CDKN2A: variants seen among roughly 807,000 people sequenced by gnomAD.
CDKN2A encodes cyclin dependent kinase inhibitor 2A.
CDKN2A carries 3 observed loss-of-function variants against 11.1 expected under a neutral mutation model. The ratio of observed to expected loss-of-function variants is 0.27; its 90% CI spans 0.12 to 0.70. The LOEUF (loss-of-function observed/expected upper bound fraction) is 0.70, where lower values mean the gene tolerates loss of function less well. CDKN2A is among the 30% of genes least tolerant of loss of function. The pLI is 0.77. For synonymous variants in CDKN2A, 122 were observed against 108.1 expected, an observed-to-expected ratio of 1.13 and a Z score of -0.80; for missense variants, 265 against 233.6, an observed-to-expected ratio of 1.13 and a Z score of -0.88.
At chr9:21,969,636 AG>A (rs1819598789) in intron 2 of CDKN2A, 1 of 396,004 alleles carries the variant, frequency 2.5e-6, no homozygotes, top group African/African-American at 2.1e-5. Context: ...CCAATTCAGT[AG>A]TTTTACTCCC....
Position 21,994,160 on chromosome 9 carries a change from G to A in CDKN2A, c.-175-107C>T, listed in dbSNP as rs2131148082. On this transcript the variant is annotated intron_variant, in intron 1 of 3. Transcript: ENST00000494262. ...CTACCTGGTCTTCTAGGAAGCGGCT[G>A]CTGCCCTAGACGCTGGCTCCTCAGT... 6.2e-7 allele frequency: 1 copy of A among 1,602,628 alleles called. No homozygotes were observed. Among genetic ancestry groups the A allele is most frequent in the Middle Eastern group, 1.7e-4 (1 of 6,046 alleles).
chr9:21,976,535 G>T (rs1398678058), upstream of CDKN2A, among the ~76,000 whole-genome samples: 1 of 151,964 alleles, frequency 6.6e-6, no homozygotes, highest in African/African-American at 2.4e-5. Flanking sequence ...GACCAACATG[G>T]CGAAACCCTG....
chr9:21,974,802 A>T lies in CDKN2A; in HGVS notation c.26T>A (p.Met9Lys), dbSNP rs145445140. The change falls in exon 1 of 3, where the codon ATG becomes AAG. Residue 9 changes from methionine (M) to lysine (K), a missense_variant. Transcript: ENST00000304494. This position sits in a 1 kb window ranked among gnomAD's most constrained non-coding sequence, Gnocchi z 5.2. MEPAAGSS[M>K]EPSADWLATA... ...GGCCAGCCAGTCAGCCGAAGGCTCC[A>T]TGCTGCTCCCCGCCGCCGGCTCCAT... 48 of 1,604,394 alleles carry T rather than the reference A, an allele frequency of 3.0e-5. 1 individual carries two copies. In the South Asian group the frequency reaches 4.5e-4, roughly 15 times the overall value.
Position 21,974,310 on chromosome 9 carries a change from T to C in CDKN2A, c.150+368A>G. 1 of 998,096 alleles carries C rather than the reference T, an allele frequency of 1.0e-6. No homozygotes were observed. The highest frequency in any genetic ancestry group is 1.6e-5 in the South Asian group (1 of 61,440). The allele number at this position is 998,096 out of a possible 1,614,324, so 61.8% of individuals were successfully genotyped here. ...AAGCTCCATCCAGGTATCTGTGAAT[T>C]GGAGGCTAAGTAGTCCCAGCACATC... On this transcript the variant is annotated intron_variant, in intron 1 of 2. Transcript: ENST00000304494. The surrounding 1 kb of genome is among the most constrained non-coding windows in gnomAD (Gnocchi z 5.2).
rs1820436932 is a variant in CDKN2A, at chr9:21,991,785, G to A, written c.-4+2097C>T. 2.0e-6 allele frequency: 2 copies of A among 985,102 alleles called. No individual in the cohort carries two copies. Among genetic ancestry groups the A allele is most frequent in the South Asian group, 4.7e-5 (1 of 21,270 alleles). 61.0% of individuals were successfully genotyped at this position (985,102 alleles called of 1,614,324 possible). On this transcript the variant is annotated intron_variant, in intron 2 of 3. Transcript: ENST00000494262. The surrounding 1 kb of genome is among the most constrained non-coding windows in gnomAD (Gnocchi z 5.2). ...ACTCAAAGAAGTAAAATGAATATAAGTCTTGATTTCTGAAAGGGCTATGGT... is the reference window on the plus strand; with the variant it reads ...ACTCAAAGAAGTAAAATGAATATAAATCTTGATTTCTGAAAGGGCTATGGT...
Position 21,970,557 on chromosome 9 carries a change from T to C in CDKN2A, c.457+345A>G, listed in dbSNP as rs574759051. Reference sequence around the variant, plus strand: ...GGTAAGTGGATGCAACTGGCCCTAGTTTGGAGGAAGAGGGGGCACTAGACC... The same window carrying C: ...GGTAAGTGGATGCAACTGGCCCTAGCTTGGAGGAAGAGGGGGCACTAGACC... On this transcript the variant is annotated intron_variant, in intron 2 of 2. Coordinates refer to ENST00000304494, the MANE Select transcript of CDKN2A (RefSeq NM_000077.5). 1.1e-5 allele frequency: 6 copies of C among 534,202 alleles called. 1 individual carries two copies. The South Asian group carries it at 1.4e-4, about 13-fold the overall frequency. 33.1% of individuals were successfully genotyped at this position (534,202 alleles called of 1,614,324 possible).
chr9:21,984,504 A>G (rs72547287), intron 2 of CDKN2A, among the ~76,000 whole-genome samples: 1 of 152,170 alleles, frequency 6.6e-6, no homozygotes, highest in East Asian at 1.9e-4. Context: ...TTGATAGGAC[A>G]GATTTTCCCC....
At position 21,988,328 on chromosome 9, in the gene CDKN2A, A is replaced by T. The variant is rs1820349255; in HGVS notation, c.-4+5554T>A. 6.6e-6 allele frequency among the ~76,000 whole-genome samples: 1 copy of T among 152,248 alleles called. No individual in the cohort carries two copies. Among genetic ancestry groups the T allele is most frequent in the Non-Finnish European group, 1.5e-5 (1 of 68,040 alleles). ...TGAACAAAGCCAATAAGTCATAAAA[A>T]TTAAAAATCAACATACTATTTTTTG... is the stretch of plus-strand genomic sequence containing the variant. On this transcript the variant is annotated intron_variant, in intron 2 of 3. Transcript: ENST00000494262. The surrounding 1 kb of genome is among the most constrained non-coding windows in gnomAD (Gnocchi z 4.1).
At chr9:21,979,722 A>G (rs1277750361), upstream of CDKN2A, among the ~76,000 whole-genome samples, 1 of 152,176 alleles carries the variant, frequency 6.6e-6, no homozygotes, top group Non-Finnish European at 1.5e-5. Flanking sequence ...ACCTCTTATG[A>G]GTAGAGAGGA....
At chr9:21,983,459 C>G (rs1399586879) in intron 2 of CDKN2A, among the ~76,000 whole-genome samples, 1 of 152,048 alleles carries the variant, frequency 6.6e-6, no homozygotes, top group African/African-American at 2.4e-5. Flanking sequence ...CTTTTAACAG[C>G]TGTAACACAT....
intron 2 of CDKN2A, chr9:21,969,563 G>A: frequency 2.5e-6 from 1 of 394,008 alleles, no homozygotes; most frequent in Non-Finnish European, 4.5e-6. Context: ...AAAGACTTGT[G>A]TGTTTGGATT....
rs141864465 is a variant in CDKN2A, at chr9:21,986,675, T to A, written c.-4+7207A>T. Among the ~76,000 whole-genome samples, 78 of 152,198 alleles carry A rather than the reference T, an allele frequency of 5.1e-4. 2 individuals are homozygous for A. The East Asian group carries it at 0.013, about 26-fold the overall frequency. On this transcript the variant is annotated intron_variant, in intron 2 of 3. Transcript: ENST00000494262. The stretch of plus-strand genomic sequence containing the variant: ...AAATTAGATAATGGAAGTTGAAGTG[T>A]CCTATTATTGTTAAGCTCCTCCTAA...
intron 2 of CDKN2A, 147 bp downstream of exon 2, chr9:21,970,755 G>A (rs984194627): frequency 1.4e-5 from 14 of 989,380 alleles, no homozygotes; most frequent in Non-Finnish European, 2.0e-5. Context: ...AGGGCGATAG[G>A]GAGACTCAGG....
In CDKN2A at chr9:21,968,432, T is replaced by C; in HGVS notation, c.458-190A>G. ...CTCCCTGGTCCAGCAGCTAGTCCAC[T>C]GCCCGCCTGGCTGCTCCAGGCGCGC... is the stretch of plus-strand genomic sequence containing the variant. On this transcript the variant is annotated intron_variant, in intron 2 of 2. Transcript: ENST00000304494. The surrounding 1 kb of genome is among the most constrained non-coding windows in gnomAD (Gnocchi z 4.7). 1 of 1,504,816 alleles carries C rather than the reference T, an allele frequency of 6.6e-7. No homozygotes were observed. The highest frequency in any genetic ancestry group is 2.0e-5 in the Admixed American group (1 of 49,094). The allele number at this position is 1,504,816 out of a possible 1,614,324, so 93.2% of individuals were successfully genotyped here. A position where few individuals can be genotyped will look rare whatever the true frequency, so the allele number is the denominator to read the frequency against.
At chr9:21,984,783 C>T (rs1321843460) in intron 2 of CDKN2A, among the ~76,000 whole-genome samples, 2 of 151,886 alleles carry the variant, frequency 1.3e-5, no homozygotes, top group African/African-American at 2.4e-5. Context: ...AATGGTTGTC[C>T]CCCTTTTGCC....
intron 1 of CDKN2A, among the ~76,000 whole-genome samples, chr9:21,973,878 T>C (rs1373983233): frequency 6.6e-6 from 1 of 152,098 alleles, no homozygotes; most frequent in African/African-American, 2.4e-5. Context: ...TGAATAATTT[T>C]TCTCTCTCTC....
upstream of CDKN2A, among the ~76,000 whole-genome samples, chr9:21,976,661 T>C (rs1820041218): frequency 6.6e-6 from 1 of 151,870 alleles, no homozygotes; most frequent in Non-Finnish European, 1.5e-5. Flanking sequence ...GAGGTTGCAG[T>C]GAGCCGAGAT....
chr9:21,970,076 C>CA (rs148145730), intron 2 of CDKN2A, among the ~76,000 whole-genome samples: 49 of 150,504 alleles, frequency 3.3e-4, no homozygotes, highest in East Asian at 9.7e-4. Flanking sequence ...TATTTTGTTT[C>CA]AAAAAAAAAT....
At chr9:21,993,804 T>TGA (rs1820502154) in intron 2 of CDKN2A, 9 of 73,094 alleles carry the variant, frequency 1.2e-4, no homozygotes, top group South Asian at 8.4e-4. Flanking sequence ...TCCTACTGTG[T>TGA]GTGTGTGTGT....
Sources: allele counts gnomAD v4.1 joint callset (sites outside exome capture counted in the v4.1 genomes callset), GRCh38; gene constraint gnomAD v4.1.1; non-coding constraint Gnocchi (gnomAD v3.1); transcripts MANE v1.5; gene names NCBI Gene and HGNC (gene_info 2026-07-23, HGNC 2026-07-21).